Variants in ITGAX observed in about 807,000 individuals in gnomAD.
The protein encoded by ITGAX is integrin alpha-X.
ITGAX carries 99 observed loss-of-function variants against 140.2 expected under a neutral mutation model. That is an observed-to-expected ratio of 0.71 (90% CI 0.60 to 0.83). ITGAX has a LOEUF of 0.83. Among genes scored for constraint, ITGAX ranks in the 40% least tolerant of loss-of-function variants. The probability of loss-of-function intolerance (pLI) is 0.00; values close to 1 mark genes in which losing one functional copy is unlikely to be tolerated. For synonymous variants in ITGAX, 631 were observed against 600.4 expected (o/e 1.05, Z -0.75); for missense variants, 1,444 against 1,482.0 (o/e 0.97, Z 0.42).
chr16:31,379,179 T>A (rs2081045989), intron 23 of ITGAX, among the ~76,000 whole-genome samples: 1 of 151,498 alleles, frequency 6.6e-6, no homozygotes, highest in Non-Finnish European at 1.5e-5. Flanking sequence ...TTCAGTGGCG[T>A]GATCTGGGCT....
At chr16:31,355,829 G>T in intron 1 of ITGAX, 64 bp from the exon 2 acceptor site, 4 of 1,290,734 alleles carry the variant, frequency 3.1e-6, no homozygotes, top group Non-Finnish European at 4.4e-6. Flanking sequence ...TGGGGCCGGG[G>T]GTGGAGGGCA....
At chr16:31,364,853 C>CCCA (rs2080876077) in intron 14 of ITGAX, among the ~76,000 whole-genome samples, 1 of 106,182 alleles carries the variant, frequency 9.4e-6, no homozygotes. Context: ...ACTAAAAATA[C>CCCA]AAAAAAAAAA....
rs9935957 is a variant in ITGAX at position 31,372,171 on chromosome 16, G to A, written c.2161-207G>A. The stretch of plus-strand genomic sequence containing the variant: ...CATTGCTGATCGGGAGGTCTGGGGG[G>A]GGGGAGGAAAAAAACAAAGACAAAC... On this transcript the variant is annotated intron_variant, in intron 17 of 29. Coordinates refer to ENST00000268296, the MANE Select transcript of ITGAX (RefSeq NM_000887.5). Among the ~76,000 whole-genome samples, 616 of 151,742 alleles carry A rather than the reference G, an allele frequency of 4.1e-3. 4 individuals carry two copies. Among genetic ancestry groups the A allele is most frequent in the African/African-American group, 0.014 (564 of 41,430 alleles).
Position 31,360,070 on chromosome 16 carries a change from G to A in ITGAX, c.707+5G>A, listed in dbSNP as rs773198238. On this transcript the variant is annotated splice_donor_5th_base_variant and intron_variant, in intron 7 of 29. Transcript: ENST00000268296. The stretch of plus-strand genomic sequence containing the variant: ...CACCGCCATCCAAAATGTCGTGTGA[G>A]TCCTGATTTCTTCCAGGCACAGTCC... 1 of 1,608,732 alleles carries A rather than the reference G, an allele frequency of 6.2e-7. No homozygotes were observed. Among genetic ancestry groups the A allele is most frequent in the Non-Finnish European group, 8.5e-7 (1 of 1,179,970 alleles).
At chr16:31,356,802 C>T (rs570550660) in intron 3 of ITGAX, 74 bp downstream of exon 3, 16 of 1,118,438 alleles carry the variant, frequency 1.4e-5, no homozygotes, top group South Asian at 2.7e-5. Flanking sequence ...GTGGACTCAC[C>T]GGAGTGTCAC....
In ITGAX at chr16:31,379,883, T is replaced by G; in HGVS notation, c.2976+19T>G. Reference sequence around the variant, plus strand: ...CCCCCAGGTACCCAAGGACTGCATGTGGCTCCTCCACGAATGCCCTTTCTA... The same window carrying G: ...CCCCCAGGTACCCAAGGACTGCATGGGGCTCCTCCACGAATGCCCTTTCTA... On this transcript the variant is annotated intron_variant, in intron 25 of 29. Coordinates refer to ENST00000268296, the MANE Select transcript of ITGAX (RefSeq NM_000887.5). 6.2e-7 allele frequency: 1 copy of G among 1,612,344 alleles called. No homozygotes were observed. The highest frequency in any genetic ancestry group is 1.1e-5 in the South Asian group (1 of 91,034).
At chr16:31,356,759 C>T in intron 3 of ITGAX, 31 bp downstream of exon 3, 2 of 1,497,048 alleles carry the variant, frequency 1.3e-6, no homozygotes, top group Non-Finnish European at 1.8e-6. Context: ...GGACCCAGGG[C>T]CGGGCTCCCA....
rs199570901 is a variant in ITGAX at position 31,360,459 on chromosome 16, T to C, written c.857T>C (p.Ile286Thr). 8.6e-5 allele frequency: 139 copies of C among 1,608,272 alleles called. No individual in the cohort carries two copies. The highest frequency in any genetic ancestry group is 1.1e-4 in the Non-Finnish European group (132 of 1,177,322). The change falls in exon 8 of 30, where the codon ATT becomes ACT. Residue 286 changes from isoleucine (I) to threonine (T), a missense_variant. Transcript: ENST00000268296. ...GCAGCAGGCATCATCCGCTATGCAATTGGGGTAGGGCGTGGGATGGCTTCC... is the reference window on the plus strand; with the variant it reads ...GCAGCAGGCATCATCCGCTATGCAACTGGGGTAGGGCGTGGGATGGCTTCC... ...ADAAGIIRYAIGVGLAFQNRN... is the reference protein window; with the variant it reads ...ADAAGIIRYATGVGLAFQNRN...
Position 31,376,989 on chromosome 16 carries a change from C to T in ITGAX, c.2626-11C>T. Reference sequence around the variant, plus strand: ...TTACTGCTCTGTGACCTCTCAGTTCCTTTTCCTCAGATCACCTTCTTGGCT... The same window carrying T: ...TTACTGCTCTGTGACCTCTCAGTTCTTTTTCCTCAGATCACCTTCTTGGCT... On this transcript the variant is annotated splice_polypyrimidine_tract_variant and intron_variant, in intron 21 of 29. Transcript: ENST00000268296. The T allele has an allele frequency of 1.9e-6, 3 of 1,614,180 alleles. No individual in the cohort carries two copies. Among genetic ancestry groups the T allele is most frequent in the Non-Finnish European group, 2.5e-6 (3 of 1,179,998 alleles).
intron 13 of ITGAX, 29 bp downstream of exon 13, chr16:31,363,104 G>C (rs1334033069): frequency 6.2e-7 from 1 of 1,603,620 alleles, no homozygotes. Context: ...TGGGGTGGGT[G>C]GGGTCTGGTG....
intron 14 of ITGAX, among the ~76,000 whole-genome samples, chr16:31,364,063 G>A (rs1249423413): frequency 6.6e-6 from 1 of 152,138 alleles, no homozygotes; most frequent in Non-Finnish European, 1.5e-5. Context: ...CCACCCCAAG[G>A]GAGCAGGGTT....
Position 31,361,157 on chromosome 16 carries a change from T to C in ITGAX, c.956T>C (p.Phe319Ser). Residue 319 changes from phenylalanine (F) to serine (S), a missense_variant, in exon 9 of 30, where the codon TTT becomes TCT. Transcript: ENST00000268296. Reference protein sequence around the residue: ...SQEHIFKVEDFDALKDIQNQL... With the variant: ...SQEHIFKVEDSDALKDIQNQL... ...GAACACATATTTAAAGTGGAGGACTTTGATGCTCTGAAAGATATTCAAAAC... is the reference window on the plus strand; with the variant it reads ...GAACACATATTTAAAGTGGAGGACTCTGATGCTCTGAAAGATATTCAAAAC... 2.5e-6 allele frequency: 4 copies of C among 1,613,916 alleles called. No homozygotes were observed. Among genetic ancestry groups the C allele is most frequent in the Non-Finnish European group, 2.5e-6 (3 of 1,179,914 alleles).
At chr16:31,371,932 T>C in intron 17 of ITGAX, 148 bp downstream of exon 17, 1 of 890,130 alleles carries the variant, frequency 1.1e-6, no homozygotes, top group Non-Finnish European at 1.7e-6. Context: ...CGTTAGCCAG[T>C]GAGTGAGTGA....
chr16:31,359,837 C>T lies in ITGAX; in HGVS notation c.561+7C>T. 3 of 1,614,088 alleles carry T rather than the reference C, an allele frequency of 1.9e-6. No individual in the cohort carries two copies. Among genetic ancestry groups the T allele is most frequent in the Non-Finnish European group, 2.5e-6 (3 of 1,179,996 alleles). On this transcript the variant is annotated splice_region_variant and intron_variant, in intron 6 of 29. Transcript: ENST00000268296. ...CCAGAGACCCAGCACCCAGGTGTGC[C>T]TTTGGGGGAGGGAGGCTGCTGGGGG...
chr16:31,360,909 T>C, intron 8 of ITGAX, 154 bp from the exon 9 acceptor site: 2 of 700,140 alleles, frequency 2.9e-6, no homozygotes, highest in Non-Finnish European at 4.8e-6. Flanking sequence ...TCCTTTCTCC[T>C]AAACTCCCTG....
rs570991189 is a variant in ITGAX, at chr16:31,370,923, A to G, written c.1711-161A>G. ...ATCTGTTTCTTAGCAATCATCTCCC[A>G]ACTCCTACCTCCTCTTTTCAGGTTC... On this transcript the variant is annotated intron_variant, in intron 14 of 29. Coordinates refer to ENST00000268296, the MANE Select transcript of ITGAX (RefSeq NM_000887.5). 4.4e-4 allele frequency among the ~76,000 whole-genome samples: 67 copies of G among 152,074 alleles called. 1 individual carries two copies. Among genetic ancestry groups the G allele is most frequent in the Admixed American group, 5.9e-4 (9 of 15,282 alleles).
intron 14 of ITGAX, 104 bp from the exon 15 acceptor site, chr16:31,370,980 T>A (rs2080950145): frequency 2.7e-6 from 4 of 1,454,724 alleles, no homozygotes; most frequent in Non-Finnish European, 3.8e-6. Flanking sequence ...AACTCACCCC[T>A]TCTCTCCCTT....
In ITGAX at chr16:31,382,223, CCTTT is replaced by C. The variant is rs2081075267; in HGVS notation, c.*321_*324del. 3.3e-6 allele frequency: 4 copies of C among 1,219,838 alleles called. No homozygotes were observed. The highest frequency in any genetic ancestry group is 4.2e-6 in the Non-Finnish European group (4 of 953,654). The allele number at this position is 1,219,838 out of a possible 1,614,324, so 75.6% of individuals were successfully genotyped here. A position where few individuals can be genotyped will look rare whatever the true frequency, so the allele number is the denominator to read the frequency against. ...CATGAGGCACGAATGATCTTTCTTT[CCTTT>C]CTTTTTTTTTTTTTTTCTTTTCTTT... On this transcript the variant is annotated 3_prime_UTR_variant, in exon 30 of 30. Coordinates refer to ENST00000268296, the MANE Select transcript of ITGAX (RefSeq NM_000887.5).
chr16:31,373,363 G>A lies in ITGAX; in HGVS notation c.2481G>A (p.Leu827=). 1 of 1,612,900 alleles carries A rather than the reference G, an allele frequency of 6.2e-7. No homozygotes were observed. Among genetic ancestry groups the A allele is most frequent in the Non-Finnish European group, 8.5e-7 (1 of 1,179,722 alleles). The change falls in exon 20 of 30, where the codon CTG becomes CTA. Residue 827 remains leucine, a synonymous_variant. Coordinates refer to ENST00000268296, the MANE Select transcript of ITGAX (RefSeq NM_000887.5). ...TCACCTTCTCCCACCCCGCAGGACT[G>A]TCCTACCGCTACGTGGCAGAGGGCC... The part of the protein sequence containing the change: ...TTITFSHPAG[L]SYRYVAEGQK...
Sources: allele counts gnomAD v4.1 joint callset (sites outside exome capture counted in the v4.1 genomes callset), GRCh38; gene constraint gnomAD v4.1.1; transcripts MANE v1.5; gene names NCBI Gene and HGNC (gene_info 2026-07-23, HGNC 2026-07-21).